CR1: variants seen among roughly 807,000 people sequenced by gnomAD.
The protein encoded by CR1 is complement C3b/C4b receptor 1 (Knops blood group).
In CR1, 116 loss-of-function variants were observed where a neutral mutation model predicts 187.3. That is an observed-to-expected ratio of 0.62 (90% CI 0.53 to 0.72). The LOEUF is 0.72. Ranked by LOEUF, CR1 falls within the 30% of genes least tolerant of loss-of-function variation. The probability of loss-of-function intolerance (pLI) is 0.00; values close to 1 mark genes in which losing one functional copy is unlikely to be tolerated. For missense variants in CR1, 1,731 were observed against 2,110.7 expected, an observed-to-expected ratio of 0.82 and a Z score of 3.52; for synonymous variants, 576 against 747.1, an observed-to-expected ratio of 0.77 and a Z score of 3.73.
At chr1:207,593,667 C>G (rs1341598556) in intron 35 of CR1, among the ~76,000 whole-genome samples, 1 of 152,152 alleles carries the variant, frequency 6.6e-6, no homozygotes, top group Non-Finnish European at 1.5e-5. Flanking sequence ...TCAGAGTGAA[C>G]AGACAACCTA....
chr1:207,621,990 A>G lies in CR1; in HGVS notation c.7270A>G (p.Ile2424Val). ...CCTTTTAGGTACACATGATGCTCTC[A>G]TAGTTGGTAAGTTTTATGAAAGTTT... ...KCTSRTHDAL[I>V]VGTLSGTIFF... Residue 2424 changes from isoleucine (I) to valine (V), a missense_variant, in exon 44 of 47, where the codon ATA (isoleucine) becomes GTA (valine). Physicochemically the swap from Ile to Val is conservative, Grantham distance 29. Coordinates refer to ENST00000367049, the MANE Select transcript of CR1 (RefSeq NM_000651.6). The G allele has an allele frequency of 1.3e-6, 2 of 1,597,756 alleles. No homozygotes were observed. Among genetic ancestry groups the G allele is most frequent in the African/African-American group, 1.3e-5 (1 of 74,860 alleles).
intron 5 of CR1, among the ~76,000 whole-genome samples, chr1:207,525,083 G>A (rs1660126737): frequency 6.6e-6 from 1 of 151,920 alleles, no homozygotes. Flanking sequence ...CAAGGCAGAG[G>A]TGCTACACAC....
intron 45 of CR1, among the ~76,000 whole-genome samples, 161 bp from the exon 46 acceptor site, chr1:207,630,356 G>A (rs147392928): frequency 6.6e-6 from 1 of 152,324 alleles, no homozygotes; most frequent in East Asian, 1.9e-4. Context: ...AGTATTAAAA[G>A]ATGAGATTTG....
intron 38 of CR1, 25 bp downstream of exon 38, chr1:207,611,878 AT>A: frequency 6.2e-7 from 1 of 1,613,772 alleles, no homozygotes; most frequent in Non-Finnish European, 8.5e-7. Flanking sequence ...TGGCTTCCAG[AT>A]TGCTCTGTTT....
chr1:207,574,460 T>G (rs1178359355), intron 27 of CR1, among the ~76,000 whole-genome samples: 5 of 152,110 alleles, frequency 3.3e-5, no homozygotes, highest in Admixed American at 2.0e-4. Context: ...ATTGTACCAT[T>G]TAAGTATGTT....
chr1:207,582,883 C>T (rs888567095), intron 32 of CR1, among the ~76,000 whole-genome samples: 1 of 152,200 alleles, frequency 6.6e-6, no homozygotes, highest in African/African-American at 2.4e-5. Flanking sequence ...CAGGGGACTG[C>T]ATGAAGTTTG....
intron 35 of CR1, among the ~76,000 whole-genome samples, chr1:207,604,779 A>G (rs1661698736): frequency 1.3e-5 from 2 of 152,194 alleles, no homozygotes; most frequent in South Asian, 2.1e-4. Flanking sequence ...CTAATGCCAC[A>G]TGATCTTACT....
chr1:207,513,752 C>CT (rs1319400232), intron 4 of CR1, among the ~76,000 whole-genome samples: 1 of 115,928 alleles, frequency 8.6e-6, no homozygotes, highest in African/African-American at 3.4e-5. Context: ...CCCTCCCTCC[C>CT]TCCCTCCCTC....
chr1:207,593,381 G>A (rs544388047), intron 35 of CR1, among the ~76,000 whole-genome samples: 50 of 152,298 alleles, frequency 3.3e-4, no homozygotes, highest in South Asian at 2.1e-3. Flanking sequence ...TTAATAAATG[G>A]TGTTGGGAAA....
At chr1:207,631,627 T>C (rs1662649374) in intron 46 of CR1, among the ~76,000 whole-genome samples, 1 of 152,202 alleles carries the variant, frequency 6.6e-6, no homozygotes. Context: ...TTTACTGCAT[T>C]CTCAGGGTAT....
intron 4 of CR1, among the ~76,000 whole-genome samples, chr1:207,518,749 A>G (rs1659881348): frequency 6.6e-6 from 1 of 152,134 alleles, no homozygotes; most frequent in Non-Finnish European, 1.5e-5. Context: ...TGTCTCCTAT[A>G]AAGACACTGG....
Position 207,639,514 on chromosome 1 carries a change from G to A in CR1, c.*105G>A. 1.8e-6 allele frequency: 2 copies of A among 1,113,010 alleles called. No individual in the cohort carries two copies. Among genetic ancestry groups the A allele is most frequent in the Non-Finnish European group, 2.6e-6 (2 of 759,064 alleles). 68.9% of individuals were successfully genotyped at this position (1,113,010 alleles called of 1,614,324 possible). A position where few individuals can be genotyped will look rare whatever the true frequency, so the allele number is the denominator to read the frequency against. ...CTGAGCTTCATAAAGTCTTTGAAGT[G>A]ACTTCACAGAGACGCAGACATGTGC... On this transcript the variant is annotated 3_prime_UTR_variant, in exon 47 of 47. Coordinates refer to ENST00000367049, the MANE Select transcript of CR1 (RefSeq NM_000651.6).
At chr1:207,505,750 T>C (rs1431111532) in intron 1 of CR1, among the ~76,000 whole-genome samples, 154 bp from the exon 2 acceptor site, 9 of 151,954 alleles carry the variant, frequency 5.9e-5, no homozygotes, top group Non-Finnish European at 1.2e-4. Flanking sequence ...TAAGGACAAT[T>C]GCTTGAACCC....
At chr1:207,564,078 G>A in intron 22 of CR1, 38 bp downstream of exon 22, 1 of 1,526,486 alleles carries the variant, frequency 6.6e-7, no homozygotes, top group Non-Finnish European at 8.7e-7. Context: ...TTTTTAGCTT[G>A]CGTCTTTATT....
chr1:207,630,618 G>A lies in CR1; in HGVS notation c.7454G>A (p.Ser2485Asn). 6.3e-7 allele frequency: 1 copy of A among 1,591,910 alleles called. No individual in the cohort carries two copies. The highest frequency in any genetic ancestry group is 8.6e-7 in the Non-Finnish European group (1 of 1,169,588). The change falls in exon 46 of 47, where the codon AGC becomes AAC. Residue 2485 changes from serine (S) to asparagine (N), a missense_variant. This residue lies in a region of CR1 where 1,312 missense variants were observed against 1,379.6 expected (regional missense o/e 0.95). Transcript: ENST00000367049. The part of the protein sequence containing the change: ...PRTLQTNEEN[S>N]RVLP ...ACTCTGCAAACAAATGAAGAAAATA[G>A]CAGGTACCTATATACATACTGAATT...
At chr1:207,621,361 T>C (rs1016475499) in intron 43 of CR1, among the ~76,000 whole-genome samples, 1 of 152,198 alleles carries the variant, frequency 6.6e-6, no homozygotes, top group Non-Finnish European at 1.5e-5. Flanking sequence ...GATATTGTTG[T>C]GTGTTGAAGG....
intron 43 of CR1, among the ~76,000 whole-genome samples, chr1:207,620,582 A>G (rs1004169721): frequency 6.6e-5 from 10 of 152,172 alleles, no homozygotes; most frequent in African/African-American, 2.2e-4. Context: ...TTAATAATGA[A>G]CAGCCTTTCT....
At chr1:207,627,579 G>A (rs1662520859) in intron 45 of CR1, among the ~76,000 whole-genome samples, 1 of 152,084 alleles carries the variant, frequency 6.6e-6, no homozygotes, top group African/African-American at 2.4e-5. Flanking sequence ...TATATACTTG[G>A]GCAGTTATAA....
At chr1:207,568,262 T>C (rs1660570426) in intron 25 of CR1, among the ~76,000 whole-genome samples, 1 of 141,120 alleles carries the variant, frequency 7.1e-6, no homozygotes, top group Non-Finnish European at 1.5e-5. Context: ...CGGTGAGTGG[T>C]GGGAAAGTCC....
Sources: gnomAD v4.1 joint callset for allele counts (sites outside exome capture counted in the v4.1 genomes callset) on GRCh38, gnomAD v4.1.1 for gene constraint, gnomAD v4.1.1 regional missense constraint, MANE v1.5 for transcripts, NCBI Gene and HGNC (gene_info 2026-07-23, HGNC 2026-07-21) for gene names.